Variants in EIF2S3 observed in about 807,000 individuals in gnomAD.
The protein encoded by EIF2S3 is eukaryotic translation initiation factor 2 subunit 3.
EIF2S3 carries 2 observed loss-of-function variants against 31.7 expected under a neutral mutation model. That is an observed-to-expected ratio of 0.06 (90% CI 0.03 to 0.20). The LOEUF (loss-of-function observed/expected upper bound fraction) is 0.20, where lower values mean the gene tolerates loss of function less well. Ranked by LOEUF, EIF2S3 falls within the 10% of genes least tolerant of loss-of-function variation. The pLI is 1.00. For missense variants in EIF2S3, 96 were observed against 359.3 expected (o/e 0.27, Z 5.92); for synonymous variants, 120 against 126.7 (o/e 0.95, Z 0.36).
rs1025635913 is a variant in EIF2S3 at position 24,071,750 on chromosome X, C to T, written c.1182+23C>T. On this transcript the variant is annotated intron_variant, in intron 10 of 11. Coordinates refer to ENST00000253039, the MANE Select transcript of EIF2S3 (RefSeq NM_001415.4). Reference sequence around the variant, plus strand: ...AAGGTAAATGCTTTTTTAAAAATTCCTGTTTCTAAAAAAGTGACAAATGGG... The same window carrying T: ...AAGGTAAATGCTTTTTTAAAAATTCTTGTTTCTAAAAAAGTGACAAATGGG... 3 of 1,200,989 alleles carry T rather than the reference C, an allele frequency of 2.5e-6. No homozygotes were observed. The South Asian group carries it at 5.4e-5, about 22-fold the overall frequency.
intron 8 of EIF2S3, among the ~76,000 whole-genome samples, chrX:24,066,880 A>G (rs758617977): frequency 1.2e-4 from 13 of 111,714 alleles, no homozygotes; most frequent in Admixed American, 3.8e-4. Flanking sequence ...ATGTTTGGCT[A>G]TTGTGAACTG....
chrX:24,055,525 T>C lies in EIF2S3; in HGVS notation c.70-90T>C, dbSNP rs1013479065. 9 of 914,295 alleles carry C rather than the reference T, an allele frequency of 9.8e-6. No individual in the cohort carries two copies. In the Admixed American group the frequency reaches 1.4e-4, roughly 14 times the overall value. 75.3% of individuals were successfully genotyped at this position (914,295 alleles called of 1,213,427 possible). A position where few individuals can be genotyped will look rare whatever the true frequency, so the allele number is the denominator to read the frequency against. ...TAGAAGTAGTGGAAAGCTGTGCAGATGGTGGCAAGATGTAGATAGCAAACG... is the reference window on the plus strand; with the variant it reads ...TAGAAGTAGTGGAAAGCTGTGCAGACGGTGGCAAGATGTAGATAGCAAACG... On this transcript the variant is annotated intron_variant, in intron 1 of 11. Transcript: ENST00000253039.
At chrX:24,062,008 A>AGGT (rs1329865839) in intron 5 of EIF2S3, among the ~76,000 whole-genome samples, 2 of 111,625 alleles carry the variant, frequency 1.8e-5, no homozygotes, top group African/African-American at 6.5e-5. Context: ...CAGGGCCAAA[A>AGGT]GGTGGATACC....
intron 1 of EIF2S3, 31 bp from the exon 2 acceptor site, chrX:24,055,584 G>T (rs751161180): frequency 8.4e-7 from 1 of 1,190,542 alleles, no homozygotes; most frequent in African/African-American, 1.8e-5. Flanking sequence ...TTTGTTTTAC[G>T]TGCAGTGTTT....
At chrX:24,064,640 C>A (rs1376945813) in intron 7 of EIF2S3, among the ~76,000 whole-genome samples, 2 of 111,883 alleles carry the variant, frequency 1.8e-5, no homozygotes. Flanking sequence ...CCAGCCTGAT[C>A]AGCATGGTGA....
Position 24,073,135 on chromosome X carries a change from A to T in EIF2S3, c.1227A>T (p.Gly409=), listed in dbSNP as rs762359691. The T allele has an allele frequency of 3.3e-6, 4 of 1,211,681 alleles. No individual in the cohort carries two copies. In the Admixed American group the frequency reaches 8.7e-5, roughly 26 times the overall value. Residue 409 remains glycine (G), a synonymous_variant, in exon 11 of 12, where the codon GGA becomes GGT. Transcript: ENST00000253039. Reference sequence around the variant, plus strand: ...ATGAAGTGCTCATGGTGAACATAGGATCCCTGTCAACAGGAGGGAGAGTTA... The same window carrying T: ...ATGAAGTGCTCATGGTGAACATAGGTTCCCTGTCAACAGGAGGGAGAGTTA... ...SKNEVLMVNI[G]SLSTGGRVSA...
intron 2 of EIF2S3, among the ~76,000 whole-genome samples, chrX:24,056,551 G>T (rs777212022): frequency 1.8e-5 from 2 of 111,947 alleles, no homozygotes; most frequent in Non-Finnish European, 3.8e-5. Flanking sequence ...GGAAATGCTG[G>T]AAGGTTCCTT....
chrX:24,060,049 G>A (rs776210787), intron 4 of EIF2S3, 39 bp from the exon 5 acceptor site: 1 of 1,057,183 alleles, frequency 9.5e-7, no homozygotes. Context: ...TGTAAGTAGT[G>A]ATTTATGTTA....
chrX:24,056,790 T>G (rs1375600327), intron 2 of EIF2S3, among the ~76,000 whole-genome samples: 2 of 111,539 alleles, frequency 1.8e-5, no homozygotes, highest in Admixed American at 1.9e-4. Flanking sequence ...GCCCAGGTGG[T>G]TGAGGTTGCA....
chrX:24,062,351 T>G, intron 5 of EIF2S3, 65 bp from the exon 6 acceptor site: 1 of 1,121,879 alleles, frequency 8.9e-7, no homozygotes, highest in Non-Finnish European at 1.2e-6. Flanking sequence ...TTTATGGATT[T>G]GCCCGCCTAT....
intron 8 of EIF2S3, among the ~76,000 whole-genome samples, chrX:24,067,562 G>A (rs771667775): frequency 1.1e-3 from 108 of 98,663 alleles, no homozygotes; most frequent in African/African-American, 3.9e-3. Context: ...TCAGTTTTAT[G>A]GTCTTCCGGT....
intron 8 of EIF2S3, among the ~76,000 whole-genome samples, chrX:24,067,174 G>C (rs747715681): frequency 3.6e-5 from 4 of 110,802 alleles, no homozygotes; most frequent in Non-Finnish European, 7.5e-5. Context: ...CTCCCGACTT[G>C]CTGGGGCTAC....
At chrX:24,075,827 C>CT (rs1038772311) in intron 11 of EIF2S3, among the ~76,000 whole-genome samples, 1 of 111,065 alleles carries the variant, frequency 9.0e-6, no homozygotes, top group Non-Finnish European at 1.9e-5. Flanking sequence ...GCCTCAGTGT[C>CT]TAAGTAGCTA....
In EIF2S3 at chrX:24,057,558, G is replaced by A. The variant is rs770016776; in HGVS notation, c.261+10G>A. ...ATATGCTAATGCTAAGGTAAGCTGT[G>A]TACTGTGGAACGAGAAACTAACTTT... On this transcript the variant is annotated intron_variant, in intron 3 of 11. Coordinates refer to ENST00000253039, the MANE Select transcript of EIF2S3 (RefSeq NM_001415.4). The A allele has an allele frequency of 5.8e-6, 7 of 1,206,449 alleles. No homozygotes were observed. In the African/African-American group the frequency reaches 1.2e-4, roughly 21 times the overall value.
Position 24,076,718 on chromosome X carries a change from G to A in EIF2S3, c.1356-4G>A, listed in dbSNP as rs770481846. On this transcript the variant is annotated splice_polypyrimidine_tract_variant and splice_region_variant and intron_variant, in intron 11 of 11. Coordinates refer to ENST00000253039, the MANE Select transcript of EIF2S3 (RefSeq NM_001415.4). Reference sequence around the variant, plus strand: ...TTATGATTTCTTTTATTTTCATTTTGCAGTTTAATTGGTTGGGGTCAGATA... The same window carrying A: ...TTATGATTTCTTTTATTTTCATTTTACAGTTTAATTGGTTGGGGTCAGATA... 8.3e-7 allele frequency: 1 copy of A among 1,201,658 alleles called. No homozygotes were observed. Among genetic ancestry groups the A allele is most frequent in the African/African-American group, 1.8e-5 (1 of 56,684 alleles).
chrX:24,065,926 C>T, intron 7 of EIF2S3, 72 bp from the exon 8 acceptor site: 3 of 970,111 alleles, frequency 3.1e-6, no homozygotes, highest in Non-Finnish European at 4.3e-6. Flanking sequence ...ATTTTAGAAA[C>T]ATTAACATGG....
intron 8 of EIF2S3, 96 bp from the exon 9 acceptor site, chrX:24,067,868 G>A (rs1471612960): frequency 1.0e-6 from 1 of 986,394 alleles, no homozygotes; most frequent in African/African-American, 1.9e-5. Flanking sequence ...GATTACACAT[G>A]TGAGCCACCG....
chrX:24,062,839 A>T (rs757408999), intron 6 of EIF2S3, among the ~76,000 whole-genome samples: 1 of 111,661 alleles, frequency 9.0e-6, no homozygotes. Context: ...CAATCAGATT[A>T]AAAAAAATCT....
At chrX:24,076,642 T>C in intron 11 of EIF2S3, 80 bp from the exon 12 acceptor site, 1 of 1,015,415 alleles carries the variant, frequency 9.8e-7, no homozygotes. Context: ...GATAAGCAGG[T>C]AAAATTTATC....
Sources: allele counts gnomAD v4.1 joint callset (sites outside exome capture counted in the v4.1 genomes callset), GRCh38; gene constraint gnomAD v4.1.1; transcripts MANE v1.5; gene names NCBI Gene and HGNC (gene_info 2026-07-23, HGNC 2026-07-21).